The following LRRC4C variants were observed in gnomAD, a reference collection of about 807,000 sequenced individuals.
LRRC4C encodes leucine rich repeat containing 4C, also known as leucine-rich repeat-containing protein 4C.
Under a neutral mutation model 33.6 loss-of-function variants are expected in LRRC4C, and 5 were observed. That is an observed-to-expected ratio of 0.15 (90% confidence interval 0.08 to 0.31). LRRC4C has a LOEUF of 0.31. Ranked by LOEUF, LRRC4C falls within the 10% of genes least tolerant of loss-of-function variation. The pLI is 1.00. For missense variants in LRRC4C, 560 were observed against 796.7 expected (o/e 0.70, Z 3.58); for synonymous variants, 329 against 302.0 (o/e 1.09, Z -0.93).
At chr11:40,771,302 G>A (rs1949745594) in intron 2 of LRRC4C, among the ~76,000 whole-genome samples, 1 of 152,162 alleles carries the variant, frequency 6.6e-6, no homozygotes, top group Non-Finnish European at 1.5e-5. Flanking sequence ...CTGTACTTTG[G>A]CCCATTTTAG....
chr11:40,885,103 A>C lies in LRRC4C; in HGVS notation c.-407+48532T>G, dbSNP rs61510152. Among the ~76,000 whole-genome samples the C allele has an allele frequency of 1.9e-3, 295 of 152,220 alleles. 1 individual carries two copies. Among genetic ancestry groups the C allele is most frequent in the African/African-American group, 6.6e-3 (274 of 41,560 alleles). On this transcript the variant is annotated intron_variant, in intron 2 of 6. Transcript: ENST00000528697. ...ATTATGCATTGTATCCTTGTTAACA[A>C]AAATGCACTTGTACCCCCTATACAA...
intron 1 of LRRC4C, among the ~76,000 whole-genome samples, chr11:41,445,816 A>G (rs1439476028): frequency 6.6e-6 from 1 of 151,710 alleles, no homozygotes; most frequent in Non-Finnish European, 1.5e-5. Context: ...CTTCAAATGA[A>G]GATCCAAGCA....
At chr11:40,287,109 A>G (rs1299728753) in intron 4 of LRRC4C, among the ~76,000 whole-genome samples, 1 of 152,150 alleles carries the variant, frequency 6.6e-6, no homozygotes, top group Non-Finnish European at 1.5e-5. Context: ...CTAACAGAAG[A>G]GAATATAGAA....
intron 4 of LRRC4C, among the ~76,000 whole-genome samples, chr11:40,297,197 A>T (rs961199001): frequency 6.6e-6 from 1 of 152,234 alleles, no homozygotes; most frequent in South Asian, 2.1e-4. Flanking sequence ...ATTGGATTTA[A>T]CAAGCTGTAG....
intron 1 of LRRC4C, among the ~76,000 whole-genome samples, chr11:41,269,407 G>A (rs1289920584): frequency 6.6e-6 from 1 of 151,994 alleles, no homozygotes; most frequent in African/African-American, 2.4e-5. Flanking sequence ...CACAGAGAGA[G>A]GCAGGTGACC....
chr11:40,861,663 G>A (rs954007282), intron 2 of LRRC4C, among the ~76,000 whole-genome samples: 4 of 152,142 alleles, frequency 2.6e-5, no homozygotes, highest in Non-Finnish European at 4.4e-5. Context: ...AGTTTGTTAC[G>A]CATTGCTGTA....
intron 1 of LRRC4C, among the ~76,000 whole-genome samples, chr11:41,179,695 T>C (rs1320442237): frequency 6.6e-6 from 1 of 152,190 alleles, no homozygotes; most frequent in Non-Finnish European, 1.5e-5. Context: ...AGATAGTAGG[T>C]ATACAACTGT....
At chr11:41,010,335 A>G (rs569972016) in intron 1 of LRRC4C, among the ~76,000 whole-genome samples, 1 of 152,280 alleles carries the variant, frequency 6.6e-6, no homozygotes, top group South Asian at 2.1e-4. Context: ...TTTAAATTAA[A>G]TGAATTTTAT....
chr11:41,125,700 C>A (rs1049108057), intron 1 of LRRC4C, among the ~76,000 whole-genome samples: 3 of 152,052 alleles, frequency 2.0e-5, no homozygotes, highest in Non-Finnish European at 4.4e-5. Context: ...TTGCTTTAGA[C>A]CAGCAGAGTG....
chr11:40,817,847 C>T (rs542683841), intron 2 of LRRC4C, among the ~76,000 whole-genome samples: 2 of 152,210 alleles, frequency 1.3e-5, no homozygotes, highest in African/African-American at 4.8e-5. Flanking sequence ...CATAACAATA[C>T]TTATAAAGCT....
At position 40,654,292 on chromosome 11, in the gene LRRC4C, A is replaced by C. The variant is rs567300092; in HGVS notation, c.-406-6014T>G. On this transcript the variant is annotated intron_variant, in intron 2 of 6. Transcript: ENST00000528697. ...ACATTTTGCACTGTGTGCTGGGAAA[A>C]GCCACAGACACTCAATCCTAGCCCA... is the stretch of plus-strand genomic sequence containing the variant. 2.0e-5 allele frequency among the ~76,000 whole-genome samples: 3 copies of C among 152,268 alleles called. No homozygotes were observed. The South Asian group carries it at 6.2e-4, about 32-fold the overall frequency.
At chr11:41,086,143 T>C (rs1402507279) in intron 1 of LRRC4C, among the ~76,000 whole-genome samples, 1 of 152,094 alleles carries the variant, frequency 6.6e-6, no homozygotes, top group Admixed American at 6.6e-5. Flanking sequence ...TACTCTTCAA[T>C]ACTTCAAAAT....
intron 3 of LRRC4C, among the ~76,000 whole-genome samples, chr11:40,531,336 A>G (rs1274554024): frequency 6.6e-6 from 1 of 152,160 alleles, no homozygotes; most frequent in Non-Finnish European, 1.5e-5. Flanking sequence ...CAGACGAAGT[A>G]GAACTGAGAT....
At chr11:41,335,180 TTAGGACC>T (rs1486888655) in intron 1 of LRRC4C, among the ~76,000 whole-genome samples, 1 of 152,200 alleles carries the variant, frequency 6.6e-6, no homozygotes, top group Admixed American at 6.5e-5. Flanking sequence ...AACATGTTTA[TTAGGACC>T]TAATACATAT....
intron 1 of LRRC4C, among the ~76,000 whole-genome samples, chr11:41,325,227 A>T (rs1490719946): frequency 1.3e-5 from 2 of 152,182 alleles, no homozygotes; most frequent in Non-Finnish European, 2.9e-5. Flanking sequence ...ATCATGCTTC[A>T]TGCAAAATGT....
chr11:40,973,621 T>C (rs1329583160), intron 1 of LRRC4C, among the ~76,000 whole-genome samples: 1 of 152,166 alleles, frequency 6.6e-6, no homozygotes, highest in Non-Finnish European at 1.5e-5. Flanking sequence ...TATTTTATTA[T>C]AGAAGTCCTG....
At chr11:40,918,453 G>A (rs1187220714) in intron 2 of LRRC4C, among the ~76,000 whole-genome samples, 1 of 151,738 alleles carries the variant, frequency 6.6e-6, no homozygotes, top group Non-Finnish European at 1.5e-5. Context: ...CCTATTTGGG[G>A]AGAGTTTCCC....
intron 3 of LRRC4C, among the ~76,000 whole-genome samples, chr11:40,359,947 G>A (rs535265127): frequency 2.4e-4 from 37 of 152,178 alleles, no homozygotes; most frequent in Non-Finnish European, 4.6e-4. Context: ...CTACCTAATA[G>A]GGCAAGTTTT....
intron 2 of LRRC4C, among the ~76,000 whole-genome samples, chr11:40,727,654 A>G (rs1947349728): frequency 6.6e-6 from 1 of 152,214 alleles, no homozygotes; most frequent in Non-Finnish European, 1.5e-5. Flanking sequence ...CAAACTATGC[A>G]TTCAACAGAG....
Sources: gnomAD v4.1 joint callset for allele counts (sites outside exome capture counted in the v4.1 genomes callset) on GRCh38, gnomAD v4.1.1 for gene constraint, MANE v1.5 for transcripts, NCBI Gene and HGNC (gene_info 2026-07-23, HGNC 2026-07-21) for gene names.